The following KLRD1 variants were observed in gnomAD, a reference collection of about 807,000 sequenced individuals.
The protein encoded by KLRD1 is killer cell lectin like receptor D1, also known as natural killer cells antigen CD94.
A neutral mutation model predicts 22.6 loss-of-function variants in KLRD1; 21 were observed. The observed-to-expected ratio is 0.93, with a 90% CI of 0.66 to 1.34. The LOEUF (loss-of-function observed/expected upper bound fraction) is 1.34. Ranked by LOEUF, KLRD1 falls within the 40% of genes most tolerant of loss-of-function variation. KLRD1 has a pLI of 0.00. For missense variants in KLRD1, 183 were observed against 208.6 expected (o/e 0.88, Z 0.76); for synonymous variants, 59 against 71.1 (o/e 0.83, Z 0.85).
intron 1 of KLRD1, among the ~76,000 whole-genome samples, chr12:10,251,128 T>C (rs191634763): frequency 1.4e-4 from 22 of 152,208 alleles, no homozygotes; most frequent in Middle Eastern, 3.4e-3. Context: ...TTTGTTATTA[T>C]ACTATTTTCT....
At chr12:10,312,054 T>TC (rs199585329) in intron 4 of KLRD1, among the ~76,000 whole-genome samples, 239 of 31,256 alleles carry the variant, frequency 7.6e-3, no homozygotes, top group South Asian at 0.073. Flanking sequence ...TTCTTTTCTT[T>TC]TTTTTTTTTT....
rs1166147020 is a variant in KLRD1 at position 10,328,616 on chromosome 12, A to G, written c.*13823A>G. On this transcript the variant is annotated 3_prime_UTR_variant, in exon 6 of 6. Transcript: ENST00000336164. ...TAACTCTTAGTTTTGTTTACTTTTT[A>G]TATATCCTTTCCATTCACTATTTTA... 2.0e-5 allele frequency: 3 copies of G among 151,988 alleles called. No individual in the cohort carries two copies. The highest frequency in any genetic ancestry group is 6.6e-5 in the Admixed American group (1 of 15,248). 9.4% of individuals were successfully genotyped at this position (151,988 alleles called of 1,614,324 possible).
chr12:10,241,999 C>T (rs921766886), intron 1 of KLRD1, among the ~76,000 whole-genome samples: 3 of 148,918 alleles, frequency 2.0e-5, no homozygotes, highest in African/African-American at 2.5e-5. Flanking sequence ...TCATTCGATT[C>T]CTCTTGTTGA....
intron 1 of KLRD1, among the ~76,000 whole-genome samples, chr12:10,248,101 T>C (rs186071536): frequency 7.4e-4 from 112 of 152,314 alleles, no homozygotes; most frequent in Admixed American, 3.1e-3. Context: ...CTGGTGCTAG[T>C]GTCACTGCTT....
Position 10,318,044 on chromosome 12 carries a change from T to C in KLRD1, c.*3251T>C, listed in dbSNP as rs932572380. ...GTTCCCTCACATGATACGTGAGGAT[T>C]AGGGGCACTACAATTCAAGATGAGA... On this transcript the variant is annotated 3_prime_UTR_variant, in exon 6 of 6. Transcript: ENST00000336164. 1.3e-5 allele frequency: 2 copies of C among 152,118 alleles called. No individual in the cohort carries two copies. Among genetic ancestry groups the C allele is most frequent in the African/African-American group, 4.8e-5 (2 of 41,416 alleles). 9.4% of individuals were successfully genotyped at this position (152,118 alleles called of 1,614,324 possible). A position where few individuals can be genotyped will look rare whatever the true frequency, so the allele number is the denominator to read the frequency against.
intron 1 of KLRD1, among the ~76,000 whole-genome samples, chr12:10,241,825 AT>A (rs893999052): frequency 6.6e-6 from 1 of 152,098 alleles, no homozygotes; most frequent in Non-Finnish European, 1.5e-5. Context: ...TAGAATGGAT[AT>A]TTTTGTACTG....
At chr12:10,314,171 T>G (rs1237978529) in intron 5 of KLRD1, among the ~76,000 whole-genome samples, 1 of 140,532 alleles carries the variant, frequency 7.1e-6, no homozygotes, top group Non-Finnish European at 1.5e-5. Context: ...ACAGAGGCAG[T>G]CCAAAAAAAT....
rs749397923 is a variant in KLRD1, at chr12:10,327,033, A to G, written c.*12240A>G. The G allele has an allele frequency of 1.3e-5, 2 of 152,034 alleles. No individual in the cohort carries two copies. Among genetic ancestry groups the G allele is most frequent in the Non-Finnish European group, 2.9e-5 (2 of 67,988 alleles). 9.4% of individuals were successfully genotyped at this position (152,034 alleles called of 1,614,324 possible). ...CTATGTTTTCTTTGAAGGGCTTTAC[A>G]TTTTCAGTACTTACATTTAGGCTTT... On this transcript the variant is annotated 3_prime_UTR_variant, in exon 6 of 6. Transcript: ENST00000336164.
At chr12:10,260,113 GTATAACTAAATGCTCATA>G (rs1565451180) in intron 1 of KLRD1, among the ~76,000 whole-genome samples, 1 of 17,128 alleles carries the variant, frequency 5.8e-5, no homozygotes, top group Non-Finnish European at 2.7e-3. Flanking sequence ...ATTCCCATCT[GTATAACTAAATGCTCATA>G]TCATTCCCAT....
At chr12:10,311,429 C>T in intron 3 of KLRD1, 35 bp from the exon 4 acceptor site, 1 of 1,589,114 alleles carries the variant, frequency 6.3e-7, no homozygotes, top group South Asian at 1.1e-5. Flanking sequence ...GTCTAGTCTC[C>T]AGTGTCATTA....
intron 1 of KLRD1, among the ~76,000 whole-genome samples, chr12:10,257,403 A>T: frequency 6.8e-6 from 1 of 147,380 alleles, no homozygotes; most frequent in South Asian, 2.1e-4. Flanking sequence ...GTCTCTGTTC[A>T]CTTTTCTCTG....
At chr12:10,294,022 T>C (rs1949800349) in intron 1 of KLRD1, among the ~76,000 whole-genome samples, 1 of 152,250 alleles carries the variant, frequency 6.6e-6, no homozygotes, top group South Asian at 2.1e-4. Context: ...TTGTTGATTC[T>C]GCCTCTCCTA....
At chr12:10,260,816 C>T (rs968351209) in intron 1 of KLRD1, among the ~76,000 whole-genome samples, 19 of 152,028 alleles carry the variant, frequency 1.2e-4, no homozygotes, top group Non-Finnish European at 2.5e-4. Context: ...GTGGTGGGCA[C>T]CTGTAGTCCC....
In KLRD1 at chr12:10,325,320, T is replaced by A. The variant is rs1950350826; in HGVS notation, c.*10527T>A. On this transcript the variant is annotated 3_prime_UTR_variant, in exon 6 of 6. Coordinates refer to ENST00000336164, the MANE Select transcript of KLRD1 (RefSeq NM_002262.5). ...CCTCAGTTGTTCATGTTATCTTTTT[T>A]ACGTATCTTTGCAGATGCTTTGCTA... 1 of 152,188 alleles carries A rather than the reference T, an allele frequency of 6.6e-6. No homozygotes were observed. Among genetic ancestry groups the A allele is most frequent in the Non-Finnish European group, 1.5e-5 (1 of 68,012 alleles). 9.4% of individuals were successfully genotyped at this position (152,188 alleles called of 1,614,324 possible).
Position 10,315,066 on chromosome 12 carries a change from C to T in KLRD1, c.*273C>T. ...TGTTAAATTCAATGTAGTTTTATTACACATTTATGTAATTTTATTTACATT... is the reference window on the plus strand; with the variant it reads ...TGTTAAATTCAATGTAGTTTTATTATACATTTATGTAATTTTATTTACATT... On this transcript the variant is annotated 3_prime_UTR_variant, in exon 6 of 6. Transcript: ENST00000336164. 3.7e-6 allele frequency: 1 copy of T among 272,322 alleles called. No homozygotes were observed. Among genetic ancestry groups the T allele is most frequent in the East Asian group, 1.1e-4 (1 of 8,964 alleles). 16.9% of individuals were successfully genotyped at this position (272,322 alleles called of 1,614,324 possible).
In KLRD1 at chr12:10,243,670, G is replaced by T. The variant is rs550317023; in HGVS notation, c.-101+17437G>T. On this transcript the variant is annotated intron_variant, in intron 1 of 5. Coordinates refer to the KLRD1 transcript ENST00000544747. ...GATATGGAACAATGTGAAAAATCTGGCTATTGATATTTACCTTATCAGTGC... is the reference window on the plus strand; with the variant it reads ...GATATGGAACAATGTGAAAAATCTGTCTATTGATATTTACCTTATCAGTGC... Among the ~76,000 whole-genome samples the T allele has an allele frequency of 8.9e-5, 13 of 145,518 alleles. No homozygotes were observed. The South Asian group carries it at 2.9e-3, about 32-fold the overall frequency.
intron 1 of KLRD1, among the ~76,000 whole-genome samples, chr12:10,239,486 T>TTCCTTCCTTCC (rs1949217675): frequency 8.5e-6 from 1 of 117,916 alleles, no homozygotes. Flanking sequence ...TCCTTCCTTC[T>TTCCTTCCTTCC]TCCTTCCTTC....
In KLRD1 at chr12:10,239,484, T is replaced by TC. The variant is rs1555098504; in HGVS notation, c.-101+13252dup. ...TTCCTTCCTTCCTTCCTTCCTTCCT[T>TC]CTTCCTTCCTTCCTTCCTTCCCTCC... On this transcript the variant is annotated intron_variant, in intron 1 of 5. Coordinates refer to the KLRD1 transcript ENST00000544747. Among the ~76,000 whole-genome samples the TC allele has an allele frequency of 2.3e-3, 287 of 127,554 alleles. 15 individuals carry two copies. Among genetic ancestry groups the TC allele is most frequent in the African/African-American group, 8.5e-3 (260 of 30,626 alleles). 83.7% of individuals were successfully genotyped at this position (127,554 alleles called of 152,430 possible).
chr12:10,277,296 G>A (rs1949601319), intron 1 of KLRD1, among the ~76,000 whole-genome samples: 1 of 151,882 alleles, frequency 6.6e-6, no homozygotes, highest in Non-Finnish European at 1.5e-5. Context: ...CATTCACTGA[G>A]CTAAGAAAAG....
Sources: allele counts gnomAD v4.1 joint callset (sites outside exome capture counted in the v4.1 genomes callset), GRCh38; gene constraint gnomAD v4.1.1; transcripts MANE v1.5; gene names NCBI Gene and HGNC (gene_info 2026-07-23, HGNC 2026-07-21).